The following NASP variants were observed in gnomAD, a reference collection of about 807,000 sequenced individuals.
The protein encoded by NASP is nuclear autoantigenic sperm protein, also known as NASP histone chaperone.
Under a neutral mutation model 89.5 loss-of-function variants are expected in NASP, and 24 were observed. That is an observed-to-expected ratio of 0.27 (90% confidence interval 0.19 to 0.38). The LOEUF (loss-of-function observed/expected upper bound fraction) is 0.38, where lower values mean the gene tolerates loss of function less well. Among genes scored for constraint, NASP ranks in the 10% least tolerant of loss-of-function variants. The pLI is 1.00. For missense variants in NASP, 848 were observed against 921.4 expected, an observed-to-expected ratio of 0.92 and a Z score of 1.03; for synonymous variants, 306 against 324.7, an observed-to-expected ratio of 0.94 and a Z score of 0.62.
At chr1:45,584,731 C>T (rs1026703145) in intron 1 of NASP, among the ~76,000 whole-genome samples, 7 of 152,186 alleles carry the variant, frequency 4.6e-5, no homozygotes, top group African/African-American at 1.4e-4. Context: ...CGTTCGCTTC[C>T]CTCGCCGGCC....
At chr1:45,613,054 G>GA in intron 6 of NASP, 115 bp from the exon 7 acceptor site, 4 of 1,385,838 alleles carry the variant, frequency 2.9e-6, no homozygotes, top group Non-Finnish European at 3.8e-6. Flanking sequence ...AACTCACTTG[G>GA]ATTAGCATCT....
chr1:45,588,878 G>A (rs555108787), intron 1 of NASP: 52 of 238,796 alleles, frequency 2.2e-4, no homozygotes, highest in Non-Finnish European at 3.3e-4. Context: ...GATCGAGATC[G>A]CGCCACTGCA....
chr1:45,589,242 A>C (rs1643451861), intron 1 of NASP, among the ~76,000 whole-genome samples: 1 of 152,038 alleles, frequency 6.6e-6, no homozygotes, highest in African/African-American at 2.4e-5. Context: ...ATCTTCCCAT[A>C]TCAGTCTCTG....
chr1:45,606,435 C>A, intron 4 of NASP, 47 bp from the exon 5 acceptor site: 1 of 1,391,932 alleles, frequency 7.2e-7, no homozygotes, highest in East Asian at 2.3e-5. Flanking sequence ...GAAAAAATTG[C>A]TAGGTTCTAG....
At chr1:45,606,803 A>C in intron 5 of NASP, 1 of 434,616 alleles carries the variant, frequency 2.3e-6, no homozygotes, top group Non-Finnish European at 4.1e-6. Context: ...TCTCAAGTAA[A>C]TCCAGTTATT....
chr1:45,591,355 ATTAAT>A (rs2148332404), intron 2 of NASP, 85 bp downstream of exon 2: 3 of 994,530 alleles, frequency 3.0e-6, no homozygotes, highest in Non-Finnish European at 1.5e-6. Context: ...TTATTTTTTA[ATTAAT>A]TTATTTTTGA....
chr1:45,586,591 TATTTTC>T (rs896948347), intron 1 of NASP, among the ~76,000 whole-genome samples: 27 of 152,142 alleles, frequency 1.8e-4, no homozygotes, highest in African/African-American at 6.0e-4. Flanking sequence ...GCCTGGCTAG[TATTTTC>T]ATTTTCATTT....
Position 45,595,127 on chromosome 1 carries a change from TTTTGTGTGTGTGTGTGTGTGTG to T in NASP, c.107+3859_107+3880del, listed in dbSNP as rs1370258033. Among the ~76,000 whole-genome samples the T allele has an allele frequency of 5.2e-3, 668 of 129,526 alleles. 4 individuals are homozygous for T. Among genetic ancestry groups the T allele is most frequent in the African/African-American group, 0.019 (627 of 32,862 alleles). The allele number at this position is 129,526 out of a possible 152,430, so 85.0% of individuals were successfully genotyped here. The stretch of plus-strand genomic sequence containing the variant: ...TCCTGCCTCAGCCTGCCAGACTAAG[TTTTGTGTGTGTGTGTGTGTGTG>T]TGTGTGTGTGTGTGTGTGTGTGTGT... On this transcript the variant is annotated intron_variant, in intron 2 of 14. Transcript: ENST00000350030.
At chr1:45,585,807 C>T (rs777363532) in intron 1 of NASP, among the ~76,000 whole-genome samples, 1 of 152,170 alleles carries the variant, frequency 6.6e-6, no homozygotes, top group African/African-American at 2.4e-5. Flanking sequence ...TGCCACTACA[C>T]CTGGCCAATT....
intron 1 of NASP, among the ~76,000 whole-genome samples, chr1:45,586,788 G>A (rs1167890791): frequency 1.3e-5 from 2 of 152,096 alleles, no homozygotes; most frequent in African/African-American, 4.8e-5. Flanking sequence ...ATTCGAGGAT[G>A]ACCATTGAAA....
At chr1:45,614,231 T>C in intron 8 of NASP, 50 bp downstream of exon 8, 1 of 1,594,874 alleles carries the variant, frequency 6.3e-7, no homozygotes, top group Non-Finnish European at 8.6e-7. Flanking sequence ...GGTGGTTAAA[T>C]AGAAACCAGT....
At chr1:45,616,420 A>C in intron 12 of NASP, 27 bp downstream of exon 12, 1 of 1,609,636 alleles carries the variant, frequency 6.2e-7, no homozygotes, top group African/African-American at 1.3e-5. Context: ...TTTTTTGGTC[A>C]CTTACATTAA....
At chr1:45,596,530 G>T (rs1643699656) in intron 2 of NASP, among the ~76,000 whole-genome samples, 1 of 152,178 alleles carries the variant, frequency 6.6e-6, no homozygotes. Context: ...GTTGTGGTGT[G>T]TCAGAATTTC....
At chr1:45,587,672 ATATATATATATATAT>A (rs1557647800) in intron 1 of NASP, among the ~76,000 whole-genome samples, 5 of 70,238 alleles carry the variant, frequency 7.1e-5, no homozygotes, top group Non-Finnish European at 1.4e-4. Flanking sequence ...ATATATATAT[ATATATATATATATAT>A]AATTAATTTT....
intron 9 of NASP, 87 bp downstream of exon 9, chr1:45,614,453 T>A: frequency 9.4e-7 from 1 of 1,060,374 alleles, no homozygotes; most frequent in Non-Finnish European, 1.5e-6. Context: ...GAACTTGATC[T>A]TTAAAAAGAT....
intron 2 of NASP, among the ~76,000 whole-genome samples, chr1:45,593,632 AAAATT>A (rs1323389741): frequency 6.6e-6 from 1 of 151,596 alleles, no homozygotes; most frequent in Non-Finnish European, 1.5e-5. Flanking sequence ...ATGTTTATGT[AAAATT>A]AAATGAGTGC....
chr1:45,595,735 C>A (rs1643680097), intron 2 of NASP, among the ~76,000 whole-genome samples: 1 of 152,242 alleles, frequency 6.6e-6, no homozygotes, highest in Non-Finnish European at 1.5e-5. Context: ...TCTTCACTAT[C>A]ACCTTCACTT....
At chr1:45,610,652 A>AGTGGCATCGCAGTC (rs1553172493) in intron 6 of NASP, 3 of 152,276 alleles carry the variant, frequency 2.0e-5, no homozygotes, top group Non-Finnish European at 2.9e-5. Context: ...GCTGGAGTAC[A>AGTGGCATCGCAGTC]GTGGCATCGC....
In NASP at chr1:45,607,822, T is replaced by A. The variant is rs747408359; in HGVS notation, c.911T>A (p.Val304Asp). 6.2e-7 allele frequency: 1 copy of A among 1,613,882 alleles called. No individual in the cohort carries two copies. Among genetic ancestry groups the A allele is most frequent in the Non-Finnish European group, 8.5e-7 (1 of 1,180,016 alleles). ...EVEAESLDPT[V>D]KPVDVGGDEP... ...GAAGCAGAGTCTTTAGACCCGACAG[T>A]CAAGCCAGTGGATGTGGGTGGGGAC... The change falls in exon 6 of 15, where the codon GTC becomes GAC. Residue 304 changes from valine (V) to aspartate (D), a missense_variant. By Grantham distance (152) the Val-to-Asp change is radical. Transcript: ENST00000350030.
Sources: allele counts gnomAD v4.1 joint callset (sites outside exome capture counted in the v4.1 genomes callset), GRCh38; gene constraint gnomAD v4.1.1; transcripts MANE v1.5; gene names NCBI Gene and HGNC (gene_info 2026-07-23, HGNC 2026-07-21).